The following TNS3 variants were observed in gnomAD, a reference collection of about 807,000 sequenced individuals.
TNS3 encodes the protein tensin-3.
TNS3 carries 45 observed loss-of-function variants against 140.9 expected under a neutral mutation model. The ratio of observed to expected loss-of-function variants is 0.32; its 90% CI spans 0.25 to 0.41. TNS3 has a LOEUF of 0.41. Among genes scored for constraint, TNS3 ranks in the 10% least tolerant of loss-of-function variants. The pLI is 1.00. For synonymous variants in TNS3, 815 were observed against 788.4 expected, an observed-to-expected ratio of 1.03 and a Z score of -0.56; for missense variants, 1,716 against 1,906.7, an observed-to-expected ratio of 0.90 and a Z score of 1.86.
At chr7:47,349,144 C>A (rs1253722068) in intron 17 of TNS3, among the ~76,000 whole-genome samples, 1 of 152,090 alleles carries the variant, frequency 6.6e-6, no homozygotes, top group African/African-American at 2.4e-5. Flanking sequence ...TGAAACTGTT[C>A]CTCAATTCTC....
intron 27 of TNS3, among the ~76,000 whole-genome samples, 161 bp downstream of exon 27, chr7:47,291,794 C>A (rs1475406229): frequency 6.6e-6 from 1 of 152,198 alleles, no homozygotes; most frequent in South Asian, 2.1e-4. Context: ...CCAACAACTG[C>A]ACCCCACCCA....
At chr7:47,344,516 T>G (rs1398844761) in intron 20 of TNS3, among the ~76,000 whole-genome samples, 1 of 152,160 alleles carries the variant, frequency 6.6e-6, no homozygotes, top group Admixed American at 6.5e-5. Context: ...AACTGCATAT[T>G]ACAGGAGGGT....
At position 47,376,726 on chromosome 7, in the gene TNS3, G is replaced by GACACACACACACACACACACAC. The variant is rs148067728; in HGVS notation, c.1025-7127_1025-7106dup. On this transcript the variant is annotated intron_variant, in intron 16 of 30. Transcript: ENST00000311160. The stretch of plus-strand genomic sequence containing the variant: ...TTCACAGATCAACTATCTAGATCAA[G>GACACACACACACACACACACAC]ACACACACACACACACACACACACA... 7.1e-3 allele frequency among the ~76,000 whole-genome samples: 1,026 copies of GACACACACACACACACACACAC among 144,324 alleles called. 8 individuals carry two copies. The highest frequency in any genetic ancestry group is 0.014 in the African/African-American group (540 of 39,054). The allele number at this position is 144,324 out of a possible 152,430, so 94.7% of individuals were successfully genotyped here. A position where few individuals can be genotyped will look rare whatever the true frequency, so the allele number is the denominator to read the frequency against.
At chr7:47,338,960 C>T (rs1305733381) in intron 20 of TNS3, among the ~76,000 whole-genome samples, 1 of 152,206 alleles carries the variant, frequency 6.6e-6, no homozygotes, top group Non-Finnish European at 1.5e-5. Flanking sequence ...TTCCCTCCAA[C>T]AGTGTATACA....
intron 16 of TNS3, among the ~76,000 whole-genome samples, chr7:47,369,903 G>A (rs973614108): frequency 2.6e-5 from 4 of 152,144 alleles, no homozygotes; most frequent in African/African-American, 9.7e-5. Flanking sequence ...TTCACCTTTT[G>A]AATCATCTTG....
At chr7:47,453,582 T>C (rs1009907909) in intron 4 of TNS3, among the ~76,000 whole-genome samples, 1 of 152,144 alleles carries the variant, frequency 6.6e-6, no homozygotes, top group African/African-American at 2.4e-5. Context: ...ATCGAATGAA[T>C]TCAACATAAC....
chr7:47,378,711 GA>G lies in TNS3; in HGVS notation c.1025-9091del, dbSNP rs144190329. Among the ~76,000 whole-genome samples, 1,180 of 152,318 alleles carry G rather than the reference GA, an allele frequency of 7.7e-3. 19 individuals carry two copies. The highest frequency in any genetic ancestry group is 0.027 in the African/African-American group (1,119 of 41,564). ...TCTGCTTAACCCACAAGGTTAGGGG[GA>G]TTGCAAGGGACCGAAGCATGTCCAA... On this transcript the variant is annotated intron_variant, in intron 16 of 30. Coordinates refer to ENST00000311160, the MANE Select transcript of TNS3 (RefSeq NM_022748.12).
At chr7:47,454,844 A>T (rs542692554) in intron 4 of TNS3, among the ~76,000 whole-genome samples, 2 of 152,312 alleles carry the variant, frequency 1.3e-5, no homozygotes, top group East Asian at 3.9e-4. Flanking sequence ...CTTCTCTAGA[A>T]GGTGACAACA....
chr7:47,399,892 C>T (rs1360051092), intron 15 of TNS3, among the ~76,000 whole-genome samples: 1 of 151,812 alleles, frequency 6.6e-6, no homozygotes, highest in East Asian at 1.9e-4. Flanking sequence ...ACAGAACCCA[C>T]AGAGTGAGAC....
At chr7:47,397,368 C>A (rs1792895785) in intron 15 of TNS3, among the ~76,000 whole-genome samples, 1 of 152,022 alleles carries the variant, frequency 6.6e-6, no homozygotes, top group Non-Finnish European at 1.5e-5. Context: ...AAATCTATGA[C>A]AATGAACATA....
At chr7:47,406,348 G>C (rs1301340432) in intron 13 of TNS3, among the ~76,000 whole-genome samples, 2 of 152,218 alleles carry the variant, frequency 1.3e-5, no homozygotes, top group African/African-American at 4.8e-5. Context: ...AGTCCAGGGA[G>C]TGGCAAGTGG....
chr7:47,472,979 C>T (rs1048624217), intron 4 of TNS3, among the ~76,000 whole-genome samples: 1 of 152,188 alleles, frequency 6.6e-6, no homozygotes, highest in African/African-American at 2.4e-5. Context: ...CCCACCCCTT[C>T]CTCACCTTCT....
intron 1 of TNS3, among the ~76,000 whole-genome samples, chr7:47,574,983 C>T (rs1022472092): frequency 3.9e-5 from 6 of 152,018 alleles, no homozygotes; most frequent in African/African-American, 1.4e-4. Context: ...GCCTAACTGC[C>T]GCAGTTAAAC....
chr7:47,525,798 A>C (rs1293964742), intron 2 of TNS3, among the ~76,000 whole-genome samples: 1 of 152,210 alleles, frequency 6.6e-6, no homozygotes, highest in East Asian at 1.9e-4. Flanking sequence ...GCATATGTGC[A>C]CCCACACACT....
At chr7:47,496,732 T>C (rs1399086306) in intron 3 of TNS3, among the ~76,000 whole-genome samples, 1 of 151,972 alleles carries the variant, frequency 6.6e-6, no homozygotes, top group Admixed American at 6.6e-5. Context: ...CAGGGGCTTG[T>C]GGGAAATCAC....
chr7:47,568,325 A>C (rs996579754), intron 1 of TNS3, among the ~76,000 whole-genome samples: 12 of 152,158 alleles, frequency 7.9e-5, no homozygotes, highest in African/African-American at 2.4e-4. Flanking sequence ...GCTCCAGAGC[A>C]GGCAGAATGG....
chr7:47,504,154 C>G (rs1474950684), intron 3 of TNS3, among the ~76,000 whole-genome samples: 1 of 152,182 alleles, frequency 6.6e-6, no homozygotes, highest in Non-Finnish European at 1.5e-5. Flanking sequence ...CATGGCCTGG[C>G]CTGAGAGGAC....
chr7:47,444,400 G>A (rs1795619504), intron 4 of TNS3, among the ~76,000 whole-genome samples: 4 of 152,228 alleles, frequency 2.6e-5, no homozygotes, highest in African/African-American at 9.7e-5. Context: ...AGACTGGCAC[G>A]CAACTTAACA....
chr7:47,319,525 T>C (rs892086351), intron 20 of TNS3, among the ~76,000 whole-genome samples: 1 of 152,102 alleles, frequency 6.6e-6, no homozygotes, highest in African/African-American at 2.4e-5. Context: ...CACCAAGCCC[T>C]TCATGAAGTA....
Sources: gnomAD v4.1 joint callset for allele counts (sites outside exome capture counted in the v4.1 genomes callset) on GRCh38, gnomAD v4.1.1 for gene constraint, MANE v1.5 for transcripts, NCBI Gene and HGNC (gene_info 2026-07-23, HGNC 2026-07-21) for gene names.